The following SH2B2 variants were observed in gnomAD, a reference collection of about 807,000 sequenced individuals.
SH2B2 encodes the protein SH2B adaptor protein 2, also known as SH2B adapter protein 2.
Under a neutral mutation model 35.7 loss-of-function variants are expected in SH2B2, and 37 were observed. That is an observed-to-expected ratio of 1.04 (90% CI 0.80 to 1.36). The LOEUF is 1.36. SH2B2 is among the 40% of genes most tolerant of loss of function. SH2B2 has a pLI of 0.00. For missense variants in SH2B2, 852 were observed against 817.7 expected, an observed-to-expected ratio of 1.04 and a Z score of -0.51; for synonymous variants, 383 against 376.4, an observed-to-expected ratio of 1.02 and a Z score of -0.20.
Position 102,311,535 on chromosome 7 carries a change from G to A in SH2B2, c.923+2629G>A, listed in dbSNP as rs547522540. Among the ~76,000 whole-genome samples the A allele has an allele frequency of 4.0e-5, 6 of 149,940 alleles. No individual in the cohort carries two copies. The South Asian group carries it at 1.1e-3, about 27-fold the overall frequency. ...ATCCCAAAGTGCTGGGATTACAGGC[G>A]TGAGCCACTGCAACTGGCCTTTTTT... On this transcript the variant is annotated intron_variant, in intron 4 of 8. Coordinates refer to ENST00000444095, the MANE Select transcript of SH2B2 (RefSeq NM_001359228.2).
intron 1 of SH2B2, among the ~76,000 whole-genome samples, chr7:102,292,283 C>T (rs1459137608): frequency 6.6e-6 from 1 of 152,050 alleles, no homozygotes; most frequent in Non-Finnish European, 1.5e-5. Flanking sequence ...ATAATCCCAG[C>T]CCTTTGGGAA....
chr7:102,316,929 G>A (rs546743822), intron 6 of SH2B2, among the ~76,000 whole-genome samples: 87 of 152,098 alleles, frequency 5.7e-4, no homozygotes, highest in African/African-American at 2.0e-3. Flanking sequence ...TGAGGCAGGA[G>A]AATCGCTTGA....
chr7:102,321,422 CCGGCG>C lies in SH2B2; in HGVS notation c.1693_1697del (p.Gly565LeufsTer?). On this transcript the variant is annotated frameshift_variant, in exon 9 of 9. Transcript: ENST00000444095. LOFTEE classifies it low-confidence loss of function (END_TRUNC). ...CCGCCTGCCTCGCCCTCCGACGCCG[CCGGCG>C]CCTCCTCGTCTTCCGCCTCGTCGTC... 7.5e-7 allele frequency: 1 copy of C among 1,326,336 alleles called. No individual in the cohort carries two copies. The allele number at this position is 1,326,336 out of a possible 1,614,324, so 82.2% of individuals were successfully genotyped here.
In SH2B2 at chr7:102,300,855, C is replaced by T. The variant is rs2132952179; in HGVS notation, c.305C>T (p.Ala102Val). 1.4e-6 allele frequency: 2 copies of T among 1,460,404 alleles called. No individual in the cohort carries two copies. Among genetic ancestry groups the T allele is most frequent in the South Asian group, 2.8e-5 (2 of 72,302 alleles). The allele number at this position is 1,460,404 out of a possible 1,614,324, so 90.5% of individuals were successfully genotyped here. A position where few individuals can be genotyped will look rare whatever the true frequency, so the allele number is the denominator to read the frequency against. ...VSAEAMEPEL[A>V]DTSALKAAPY... Reference sequence around the variant, plus strand: ...GCAGAGGCCATGGAGCCGGAGCTCGCGGACACCTCTGCACTCAAGGCGGCG... The same window carrying T: ...GCAGAGGCCATGGAGCCGGAGCTCGTGGACACCTCTGCACTCAAGGCGGCG... Residue 102 changes from alanine (A) to valine (V), a missense_variant, in exon 2 of 9, where the codon GCG becomes GTG. Ala to Val is a moderately conservative substitution (Grantham distance 64, BLOSUM62 0). Transcript: ENST00000444095.
rs782283676 is a variant in SH2B2 at position 102,306,740 on chromosome 7, G to C, written c.749G>C (p.Ser250Thr). 11 of 1,597,452 alleles carry C rather than the reference G, an allele frequency of 6.9e-6. No homozygotes were observed. The highest frequency in any genetic ancestry group is 8.5e-6 in the Non-Finnish European group (10 of 1,172,326). The change falls in exon 3 of 9, where the codon AGC becomes ACC. Residue 250 changes from serine to threonine, a missense_variant. By Grantham distance (58) the Ser-to-Thr change is moderately conservative. Coordinates refer to ENST00000444095, the MANE Select transcript of SH2B2 (RefSeq NM_001359228.2). ...CCCCAGGCCTCCAGGCCCAAGGTCA[G>C]CATCCCACTGTCAGCCATCATTGAG... ...VPPKASRPKV[S>T]IPLSAIIEVR... is the part of the protein sequence containing the mutation.
At chr7:102,285,280 C>A, upstream of SH2B2, 1 of 1,507,090 alleles carries the variant, frequency 6.6e-7, no homozygotes, top group Non-Finnish European at 9.0e-7. Flanking sequence ...GCGGGTCAGG[C>A]TCTCCCCTCT....
At chr7:102,313,100 C>T (rs1229340718) in intron 4 of SH2B2, among the ~76,000 whole-genome samples, 3 of 147,564 alleles carry the variant, frequency 2.0e-5, no homozygotes, top group Non-Finnish European at 4.5e-5. Context: ...CATTGCACTC[C>T]AGCCTGGGCA....
chr7:102,307,246 A>AG (rs1289451876), intron 3 of SH2B2, among the ~76,000 whole-genome samples: 3 of 152,248 alleles, frequency 2.0e-5, no homozygotes, highest in Admixed American at 1.3e-4. Flanking sequence ...AAAGGCATCA[A>AG]GGGGGGGCGG....
intron 4 of SH2B2, among the ~76,000 whole-genome samples, chr7:102,312,878 C>T (rs1478015026): frequency 2.6e-5 from 4 of 151,680 alleles, no homozygotes; most frequent in African/African-American, 9.7e-5. Context: ...GCCTGTAATC[C>T]CAACACTTTG....
intron 2 of SH2B2, among the ~76,000 whole-genome samples, chr7:102,302,788 C>T (rs905924038): frequency 2.6e-5 from 4 of 152,178 alleles, no homozygotes; most frequent in African/African-American, 7.2e-5. Flanking sequence ...CATGGTGGCG[C>T]GCACCTGTAG....
chr7:102,309,993 A>G (rs1286866241), intron 4 of SH2B2, among the ~76,000 whole-genome samples: 1 of 152,146 alleles, frequency 6.6e-6, no homozygotes, highest in African/African-American at 2.4e-5. Flanking sequence ...CAACAGAGCA[A>G]GATCCTAACT....
intron 6 of SH2B2, 110 bp from the exon 7 acceptor site, chr7:102,317,077 C>T: frequency 2.3e-6 from 2 of 870,068 alleles, no homozygotes; most frequent in Non-Finnish European, 1.7e-6. Flanking sequence ...ATTCCAACAG[C>T]ATTTTGCATG....
At chr7:102,292,092 T>G (rs1554551867) in intron 1 of SH2B2, among the ~76,000 whole-genome samples, 10 of 152,140 alleles carry the variant, frequency 6.6e-5, no homozygotes, top group Non-Finnish European at 2.9e-5. Context: ...TGAGAAGGCA[T>G]GGCTGGGCAG....
At chr7:102,310,082 G>A (rs186618794) in intron 4 of SH2B2, among the ~76,000 whole-genome samples, 11 of 152,322 alleles carry the variant, frequency 7.2e-5, no homozygotes, top group South Asian at 2.1e-4. Context: ...TTGGGAGGCC[G>A]AGGCAGGCGG....
intron 4 of SH2B2, among the ~76,000 whole-genome samples, chr7:102,313,913 A>AG (rs1479617973): frequency 1.3e-3 from 204 of 152,032 alleles, no homozygotes; most frequent in African/African-American, 4.4e-3. Flanking sequence ...TCCGTCTCAA[A>AG]AAAAAAAAAA....
chr7:102,306,710 C>T lies in SH2B2; in HGVS notation c.730-11C>T, dbSNP rs1259920293. On this transcript the variant is annotated splice_polypyrimidine_tract_variant and intron_variant, in intron 2 of 8. Transcript: ENST00000444095. ...GCTGGGGCCACTCACTATCCTTCTTCTGGCCCCCAGGCCTCCAGGCCCAAG... is the reference window on the plus strand; with the variant it reads ...GCTGGGGCCACTCACTATCCTTCTTTTGGCCCCCAGGCCTCCAGGCCCAAG... 1 of 1,570,476 alleles carries T rather than the reference C, an allele frequency of 6.4e-7. No individual in the cohort carries two copies. The highest frequency in any genetic ancestry group is 8.7e-7 in the Non-Finnish European group (1 of 1,155,842).
chr7:102,295,393 G>T (rs781906684), intron 1 of SH2B2, among the ~76,000 whole-genome samples: 2 of 152,172 alleles, frequency 1.3e-5, no homozygotes, highest in Non-Finnish European at 1.5e-5. Context: ...AGGGTTTCAT[G>T]GGTTCAGCTG....
chr7:102,308,751 T>C, intron 3 of SH2B2, 64 bp from the exon 4 acceptor site: 1 of 1,200,768 alleles, frequency 8.3e-7, no homozygotes. Flanking sequence ...TCTGACCCTA[T>C]GTCCTGTGGT....
At chr7:102,306,146 G>A (rs1248106882) in intron 2 of SH2B2, among the ~76,000 whole-genome samples, 1 of 152,038 alleles carries the variant, frequency 6.6e-6, no homozygotes, top group Non-Finnish European at 1.5e-5. Flanking sequence ...GAGTGCAATG[G>A]CGCAATCTCA....
Sources: gnomAD v4.1 joint callset for allele counts (sites outside exome capture counted in the v4.1 genomes callset) on GRCh38, gnomAD v4.1.1 for gene constraint, MANE v1.5 for transcripts, NCBI Gene and HGNC (gene_info 2026-07-23, HGNC 2026-07-21) for gene names.